NRG2: variants seen among roughly 807,000 people sequenced by gnomAD.
NRG2 encodes pro-neuregulin-2, membrane-bound isoform.
NRG2 carries 27 observed loss-of-function variants against 73.9 expected under a neutral mutation model. The observed-to-expected ratio is 0.37, with a 90% confidence interval of 0.27 to 0.50. The LOEUF (loss-of-function observed/expected upper bound fraction) is 0.50, where lower values mean the gene tolerates loss of function less well. Among genes scored for constraint, NRG2 ranks in the 20% least tolerant of loss-of-function variants. NRG2 has a pLI of 0.96. For synonymous variants in NRG2, 532 were observed against 541.0 expected (o/e 0.98, Z 0.23); for missense variants, 1,126 against 1,210.1 (o/e 0.93, Z 1.03).
intron 1 of NRG2, among the ~76,000 whole-genome samples, chr5:139,935,330 T>C (rs1294981856): frequency 6.6e-6 from 1 of 152,188 alleles, no homozygotes; most frequent in African/African-American, 2.4e-5. Context: ...ACAAAATCAA[T>C]AGGATATAGA....
At chr5:140,016,672 T>C (rs1759806592) in intron 1 of NRG2, among the ~76,000 whole-genome samples, 1 of 152,262 alleles carries the variant, frequency 6.6e-6, no homozygotes, top group Non-Finnish European at 1.5e-5. Flanking sequence ...TGAACAGATG[T>C]AGCACATCTA....
intron 1 of NRG2, among the ~76,000 whole-genome samples, chr5:139,889,586 T>C (rs1249027213): frequency 6.6e-6 from 1 of 152,204 alleles, no homozygotes; most frequent in Non-Finnish European, 1.5e-5. Context: ...ATAATGTTCC[T>C]GTATGGGTGT....
rs148185481 is a variant in NRG2, at chr5:139,882,776, C to T, written c.873-1802G>A. Among the ~76,000 whole-genome samples, 437 of 152,182 alleles carry T rather than the reference C, an allele frequency of 2.9e-3. 4 individuals are homozygous for T. The highest frequency in any genetic ancestry group is 0.01 in the African/African-American group (417 of 41,494). On this transcript the variant is annotated intron_variant, in intron 2 of 9. Coordinates refer to ENST00000361474, the MANE Select transcript of NRG2 (RefSeq NM_004883.3). ...TTGTCACCCCCCTGGAATTCAGAGG[C>T]GCTTCCCTTATACAGCATCATATGT... is the stretch of plus-strand genomic sequence containing the variant.
chr5:140,030,731 C>G (rs1050890276), intron 1 of NRG2, among the ~76,000 whole-genome samples: 2 of 152,218 alleles, frequency 1.3e-5, no homozygotes, highest in Admixed American at 1.3e-4. Context: ...TTTCTCCTTT[C>G]TCTCAGAGGT....
At chr5:139,882,417 G>A (rs1448816183) in intron 2 of NRG2, among the ~76,000 whole-genome samples, 1 of 152,214 alleles carries the variant, frequency 6.6e-6, no homozygotes, top group Non-Finnish European at 1.5e-5. Context: ...CTATGGTAAT[G>A]TCCTTGCTGA....
chr5:139,890,088 G>A (rs574681229), intron 1 of NRG2, among the ~76,000 whole-genome samples: 23 of 152,140 alleles, frequency 1.5e-4, no homozygotes, highest in South Asian at 4.1e-4. Flanking sequence ...ACCAATTTGC[G>A]CTCCCCCCAG....
chr5:139,960,984 T>C (rs1222910159), intron 1 of NRG2, among the ~76,000 whole-genome samples: 1 of 152,142 alleles, frequency 6.6e-6, no homozygotes, highest in Non-Finnish European at 1.5e-5. Context: ...GGGCCTTCAT[T>C]TCTCCACTAG....
chr5:139,903,954 G>C (rs1280502266), intron 1 of NRG2, among the ~76,000 whole-genome samples: 2 of 152,242 alleles, frequency 1.3e-5, no homozygotes, highest in Non-Finnish European at 2.9e-5. Flanking sequence ...GCCGGGCCCA[G>C]CGTCTGATCA....
chr5:139,887,579 G>A lies in NRG2; in HGVS notation c.701-68C>T. 7.0e-7 allele frequency: 1 copy of A among 1,423,730 alleles called. No homozygotes were observed. Among genetic ancestry groups the A allele is most frequent in the Non-Finnish European group, 9.8e-7 (1 of 1,022,272 alleles). 88.2% of individuals were successfully genotyped at this position (1,423,730 alleles called of 1,614,324 possible). On this transcript the variant is annotated intron_variant, in intron 1 of 9. Transcript: ENST00000361474. This position sits in a 1 kb window ranked among gnomAD's most constrained non-coding sequence, Gnocchi z 4.5. ...GGCAGTGCCAAGCATGAGTAGTGGA[G>A]AGTAAGGGCCACTGTCTTTGGGCTG...
At chr5:140,020,862 G>A (rs938206188) in intron 1 of NRG2, among the ~76,000 whole-genome samples, 6 of 152,210 alleles carry the variant, frequency 3.9e-5, no homozygotes, top group Non-Finnish European at 8.8e-5. Flanking sequence ...AAATTTCAGA[G>A]ATGTTCATGT....
At position 139,864,868 on chromosome 5, in the gene NRG2, C is replaced by T. The variant is rs186756297; in HGVS notation, c.1189+681G>A. 342 of 581,582 alleles carry T rather than the reference C, an allele frequency of 5.9e-4. 1 individual carries two copies. The highest frequency in any genetic ancestry group is 2.9e-4 in the Non-Finnish European group (94 of 322,792). The allele number at this position is 581,582 out of a possible 1,614,324, so 36.0% of individuals were successfully genotyped here. On this transcript the variant is annotated intron_variant, in intron 5 of 9. Coordinates refer to ENST00000361474, the MANE Select transcript of NRG2 (RefSeq NM_004883.3). ...TTCCTCCCATTCTGGCCAGGCTGCCCGACCCCAGAAGTTGGGAGGAGGCCT... is the reference window on the plus strand; with the variant it reads ...TTCCTCCCATTCTGGCCAGGCTGCCTGACCCCAGAAGTTGGGAGGAGGCCT...
chr5:139,949,891 G>C (rs1470863312), intron 1 of NRG2, among the ~76,000 whole-genome samples: 1 of 152,130 alleles, frequency 6.6e-6, no homozygotes, highest in African/African-American at 2.4e-5. Flanking sequence ...CTTGGCAGGG[G>C]GCCTGGTCAT....
intron 3 of NRG2, among the ~76,000 whole-genome samples, chr5:139,876,786 C>A (rs898213876): frequency 6.6e-6 from 1 of 152,150 alleles, no homozygotes; most frequent in African/African-American, 2.4e-5. Flanking sequence ...TTAGAAAAGG[C>A]AGACCTTTTA....
chr5:139,945,017 TTTTCA>T (rs1452289762), intron 1 of NRG2, among the ~76,000 whole-genome samples: 1 of 152,172 alleles, frequency 6.6e-6, no homozygotes, highest in African/African-American at 2.4e-5. Flanking sequence ...TGCTGAGGAT[TTTTCA>T]TATATTGTGT....
intron 1 of NRG2, among the ~76,000 whole-genome samples, chr5:140,027,201 C>T (rs1760764260): frequency 6.6e-6 from 1 of 152,150 alleles, no homozygotes; most frequent in African/African-American, 2.4e-5. Context: ...CCAAGCTGGT[C>T]TCAAACTCCT....
chr5:139,887,516 G>A lies in NRG2; in HGVS notation c.701-5C>T. ...TCTTCAACTTGGGCCGGGTGGCTGTGGGTTACAAGGCAGGTAGGTGAGCAC... is the reference window on the plus strand; with the variant it reads ...TCTTCAACTTGGGCCGGGTGGCTGTAGGTTACAAGGCAGGTAGGTGAGCAC... On this transcript the variant is annotated splice_region_variant and splice_polypyrimidine_tract_variant and intron_variant, in intron 1 of 9. Coordinates refer to ENST00000361474, the MANE Select transcript of NRG2 (RefSeq NM_004883.3). The surrounding 1 kb of genome is among the most constrained non-coding windows in gnomAD (Gnocchi z 4.5). 6.2e-7 allele frequency: 1 copy of A among 1,613,818 alleles called. No homozygotes were observed. Among genetic ancestry groups the A allele is most frequent in the Non-Finnish European group, 8.5e-7 (1 of 1,179,866 alleles).
chr5:139,938,921 GAAAGAA>G (rs1753112332), intron 1 of NRG2, among the ~76,000 whole-genome samples: 1 of 101,580 alleles, frequency 9.8e-6, no homozygotes, highest in East Asian at 2.6e-4. Context: ...AAGAAAGAAA[GAAAGAA>G]AGAAAGAAAG....
chr5:139,997,401 G>A (rs1758103042), intron 1 of NRG2, among the ~76,000 whole-genome samples: 1 of 152,200 alleles, frequency 6.6e-6, no homozygotes, highest in South Asian at 2.1e-4. Flanking sequence ...GAAATAACTG[G>A]AATAATCTTA....
chr5:139,970,027 A>C (rs934505630), intron 1 of NRG2, among the ~76,000 whole-genome samples: 2 of 152,232 alleles, frequency 1.3e-5, no homozygotes, highest in African/African-American at 4.8e-5. Context: ...TGCTGGCAAA[A>C]GTTCAAAGAC....
Sources: allele counts gnomAD v4.1 joint callset (sites outside exome capture counted in the v4.1 genomes callset), GRCh38; gene constraint gnomAD v4.1.1; non-coding constraint Gnocchi (gnomAD v3.1); transcripts MANE v1.5; gene names NCBI Gene and HGNC (gene_info 2026-07-23, HGNC 2026-07-21).